Variants in PFKFB3 observed in about 807,000 individuals in gnomAD.
PFKFB3 encodes the protein 6-phosphofructo-2-kinase/fructose-2,6-biphosphatase 3, also known as 6-phosphofructo-2-kinase/fructose-2,6-bisphosphatase 3.
PFKFB3 carries 33 observed loss-of-function variants against 68.0 expected under a neutral mutation model. The observed-to-expected ratio is 0.49, with a 90% confidence interval of 0.37 to 0.65. PFKFB3 has a LOEUF of 0.65. Among genes scored for constraint, PFKFB3 ranks in the 30% least tolerant of loss-of-function variants. The pLI is 0.00. For missense variants in PFKFB3, 586 were observed against 712.2 expected, an observed-to-expected ratio of 0.82 and a Z score of 2.02; for synonymous variants, 315 against 288.2, an observed-to-expected ratio of 1.09 and a Z score of -0.94.
At chr10:6,257,224 A>G (rs1210308202), downstream of PFKFB3, among the ~76,000 whole-genome samples, 1 of 152,138 alleles carries the variant, frequency 6.6e-6, no homozygotes, top group Non-Finnish European at 1.5e-5. Context: ...TTTCTGAGTC[A>G]TTGATCTGAA....
rs543645450 is a variant in PFKFB3 at position 6,185,670 on chromosome 10, C to G, written c.17-27953C>G. Among the ~76,000 whole-genome samples, 3 of 109,458 alleles carry G rather than the reference C, an allele frequency of 2.7e-5. No homozygotes were observed. The South Asian group carries it at 8.8e-4, about 32-fold the overall frequency. The allele number at this position is 109,458 out of a possible 152,430, so 71.8% of individuals were successfully genotyped here. ...TTTTTTTTTTTTTGAGATGGAGTTT[C>G]ACTTTTGTCACCAAGGCTGGAGTGC... On this transcript the variant is annotated intron_variant, in intron 1 of 14. Transcript: ENST00000379789.
chr10:6,146,291 T>C, intron 1 of PFKFB3: 1 of 1,497,504 alleles, frequency 6.7e-7, no homozygotes, highest in Non-Finnish European at 8.9e-7. Flanking sequence ...GGACTTGTTT[T>C]TCAAACAGAG....
rs763735204 is a variant in PFKFB3 at position 6,216,686 on chromosome 10, C to T, written c.367-20C>T. On this transcript the variant is annotated intron_variant, in intron 4 of 14. Transcript: ENST00000379775. ...CTCAAACTTAGAGTTTTCTTCCTGG[C>T]CCTTTGCTCTCCATATCAGGTTTTC... The T allele has an allele frequency of 1.9e-5, 29 of 1,542,180 alleles. No individual in the cohort carries two copies. Among genetic ancestry groups the T allele is most frequent in the East Asian group, 1.8e-4 (8 of 44,610 alleles).
intron 1 of PFKFB3, chr10:6,197,496 A>C (rs541316135): frequency 6.6e-6 from 1 of 152,356 alleles, no homozygotes; most frequent in African/African-American, 2.4e-5. Context: ...TGCATTTCTC[A>C]GAACATATCC....
At chr10:6,188,905 G>A (rs1388195895) in intron 1 of PFKFB3, among the ~76,000 whole-genome samples, 2 of 147,568 alleles carry the variant, frequency 1.4e-5, no homozygotes, top group African/African-American at 5.0e-5. Flanking sequence ...CGCGATCTCG[G>A]CTCACTGCAA....
At chr10:6,152,526 G>A (rs991688722) in intron 1 of PFKFB3, among the ~76,000 whole-genome samples, 9 of 152,118 alleles carry the variant, frequency 5.9e-5, no homozygotes, top group Admixed American at 2.6e-4. Flanking sequence ...GGAACATTCC[G>A]AACCCATGAA....
chr10:6,211,984 C>T (rs112702098), intron 1 of PFKFB3, among the ~76,000 whole-genome samples: 1 of 152,240 alleles, frequency 6.6e-6, no homozygotes, highest in East Asian at 1.9e-4. Flanking sequence ...GGGCTTCTTT[C>T]CTGAGCTGCG....
In PFKFB3 at chr10:6,215,851, G is replaced by A. The variant is rs1427383184; in HGVS notation, c.300-274G>A. Among the ~76,000 whole-genome samples, 1 of 152,162 alleles carries A rather than the reference G, an allele frequency of 6.6e-6. No individual in the cohort carries two copies. The highest frequency in any genetic ancestry group is 2.4e-5 in the African/African-American group (1 of 41,436). The stretch of plus-strand genomic sequence containing the variant: ...ACCAGTTAGTGCAACTCTGTGGGTG[G>A]CTCTGGGCAGCCATTTCTTAGCAGC... On this transcript the variant is annotated intron_variant, in intron 3 of 14. Coordinates refer to ENST00000379775, the MANE Select transcript of PFKFB3 (RefSeq NM_004566.4). The surrounding 1 kb of genome is among the most constrained non-coding windows in gnomAD (Gnocchi z 4.3).
rs76585197 is a variant in PFKFB3 at position 6,172,597 on chromosome 10, G to A, written c.16+27584G>A. On this transcript the variant is annotated intron_variant, in intron 1 of 14. Coordinates refer to the PFKFB3 transcript ENST00000379789. Reference sequence around the variant, plus strand: ...CAGGGCTTGCAAATGGCAAGTGGGAGGATTGTTTGAGCCCAGGAATCTGAG... The same window carrying A: ...CAGGGCTTGCAAATGGCAAGTGGGAAGATTGTTTGAGCCCAGGAATCTGAG... Among the ~76,000 whole-genome samples the A allele has an allele frequency of 4.7e-3, 720 of 152,274 alleles. 2 individuals are homozygous for A. The highest frequency in any genetic ancestry group is 8.6e-3 in the Non-Finnish European group (587 of 68,020).
chr10:6,177,195 G>A (rs955271185), intron 1 of PFKFB3, among the ~76,000 whole-genome samples: 4 of 152,162 alleles, frequency 2.6e-5, no homozygotes, highest in South Asian at 4.1e-4. Flanking sequence ...AGGCTTGACC[G>A]GCTTCTGTGG....
the PFKFB3 span, among the ~76,000 whole-genome samples, chr10:6,288,763 C>G: frequency 6.6e-6 from 1 of 152,172 alleles, no homozygotes; most frequent in South Asian, 2.1e-4. Context: ...GTTCTAGATC[C>G]TTGCAGAATC....
the PFKFB3 span, among the ~76,000 whole-genome samples, chr10:6,285,559 G>T: frequency 6.7e-6 from 1 of 148,790 alleles, no homozygotes; most frequent in Non-Finnish European, 1.5e-5. Flanking sequence ...AAAAATTGTG[G>T]TAAGAACACT....
In PFKFB3 at chr10:6,232,981, G is replaced by A. The variant is rs1387397965; in HGVS notation, c.*39G>A. On this transcript the variant is annotated 3_prime_UTR_variant, in exon 15 of 15. Coordinates refer to ENST00000379775, the MANE Select transcript of PFKFB3 (RefSeq NM_004566.4). Reference sequence around the variant, plus strand: ...GTTCCATTCCATTTCCATTTCTGCAGCTTAGCTTGTGTCCTGCCCTCCGCC... The same window carrying A: ...GTTCCATTCCATTTCCATTTCTGCAACTTAGCTTGTGTCCTGCCCTCCGCC... 1.3e-6 allele frequency: 2 copies of A among 1,558,008 alleles called. No individual in the cohort carries two copies. The highest frequency in any genetic ancestry group is 1.8e-6 in the Non-Finnish European group (2 of 1,129,248).
intron 1 of PFKFB3, among the ~76,000 whole-genome samples, chr10:6,209,176 C>T (rs957474129): frequency 6.6e-6 from 1 of 152,190 alleles, no homozygotes; most frequent in Non-Finnish European, 1.5e-5. Flanking sequence ...GACTTACCCA[C>T]GTGGCCATGG....
chr10:6,226,562 G>A, intron 14 of PFKFB3, 197 bp downstream of exon 14: 1 of 570,264 alleles, frequency 1.8e-6, no homozygotes, highest in Non-Finnish European at 3.0e-6. Context: ...GAGAACATAG[G>A]AAGCACCCTC....
At chr10:6,192,139 T>TACATACACAC (rs775843709) in intron 1 of PFKFB3, among the ~76,000 whole-genome samples, 12 of 119,140 alleles carry the variant, frequency 1.0e-4, no homozygotes, top group African/African-American at 3.4e-4. Flanking sequence ...CATTCCCCAA[T>TACATACACAC]ACACACACAC....
chr10:6,316,199 T>C, the PFKFB3 span, among the ~76,000 whole-genome samples: 2 of 151,358 alleles, frequency 1.3e-5, 1 homozygote, highest in East Asian at 3.9e-4. Context: ...AAGAAAGGAC[T>C]CACTGCCCAG....
intron 1 of PFKFB3, among the ~76,000 whole-genome samples, chr10:6,147,864 A>ACCT (rs1841444055): frequency 1.3e-5 from 2 of 152,080 alleles, no homozygotes; most frequent in African/African-American, 4.8e-5. Flanking sequence ...CATACAGGGG[A>ACCT]GTCTGCTGGG....
At chr10:6,180,724 A>G (rs1842688731) in intron 1 of PFKFB3, among the ~76,000 whole-genome samples, 1 of 152,136 alleles carries the variant, frequency 6.6e-6, no homozygotes, top group Non-Finnish European at 1.5e-5. Context: ...CTCACCTTCC[A>G]AAGTGCTGAG....
Sources: allele counts gnomAD v4.1 joint callset (sites outside exome capture counted in the v4.1 genomes callset), GRCh38; gene constraint gnomAD v4.1.1; non-coding constraint Gnocchi (gnomAD v3.1); transcripts MANE v1.5; gene names NCBI Gene and HGNC (gene_info 2026-07-23, HGNC 2026-07-21).